Variants in CCDC186 observed in about 807,000 individuals in gnomAD.
The protein encoded by CCDC186 is coiled-coil domain-containing protein 186.
Under a neutral mutation model 113.7 loss-of-function variants are expected in CCDC186, and 49 were observed. The observed-to-expected ratio is 0.43, with a 90% CI of 0.34 to 0.55. The LOEUF (loss-of-function observed/expected upper bound fraction) is 0.55, where lower values mean the gene tolerates loss of function less well. Among genes scored for constraint, CCDC186 ranks in the 20% least tolerant of loss-of-function variants. The probability of loss-of-function intolerance (pLI) is 0.02; values close to 1 mark genes in which losing one functional copy is unlikely to be tolerated. For synonymous variants in CCDC186, 355 were observed against 345.8 expected, an observed-to-expected ratio of 1.03 and a Z score of -0.30; for missense variants, 890 against 1,011.1, an observed-to-expected ratio of 0.88 and a Z score of 1.62.
At chr10:114,159,796 A>C (rs2032116759) in intron 2 of CCDC186, among the ~76,000 whole-genome samples, 1 of 151,984 alleles carries the variant, frequency 6.6e-6, no homozygotes, top group African/African-American at 2.4e-5. Flanking sequence ...CTCTAAAACA[A>C]AAAAACCACA....
chr10:114,164,874 G>GGAGTGAATTTTGTTAA (rs1349471545), intron 1 of CCDC186, among the ~76,000 whole-genome samples: 5 of 152,204 alleles, frequency 3.3e-5, no homozygotes, highest in African/African-American at 9.7e-5. Context: ...AGGCTAAGCA[G>GGAGTGAATTTTGTTAA]GAGTGAATTT....
intron 4 of CCDC186, 83 bp from the exon 5 acceptor site, chr10:114,145,844 A>T (rs1480622246): frequency 8.0e-7 from 1 of 1,242,654 alleles, no homozygotes. Flanking sequence ...TTTGTCTCTT[A>T]TATTACCAAT....
Position 114,135,000 on chromosome 10 carries a change from T to C in CCDC186, c.1568A>G (p.Lys523Arg), listed in dbSNP as rs1345704422. The C allele has an allele frequency of 2.5e-6, 4 of 1,612,050 alleles. No homozygotes were observed. Among genetic ancestry groups the C allele is most frequent in the Non-Finnish European group, 3.4e-6 (4 of 1,179,384 alleles). ...LRTEDELSKY[K>R]EIINRQKAEI... ...AGCTTTTTGGCGATTAATAATTTCC[T>C]TATATTTTGATAATTCATCTTCTGT... The change falls in exon 10 of 16, where the codon AAG becomes AGG. Residue 523 changes from lysine (K) to arginine (R), a missense_variant. Lys to Arg is a conservative substitution (Grantham distance 26). Coordinates refer to ENST00000369287, the MANE Select transcript of CCDC186 (RefSeq NM_018017.4).
chr10:114,163,421 C>A, intron 1 of CCDC186, 92 bp from the exon 2 acceptor site: 1 of 1,012,890 alleles, frequency 9.9e-7, no homozygotes, highest in Non-Finnish European at 1.4e-6. Flanking sequence ...TAACTAACAC[C>A]ACAAATTTTA....
At chr10:114,132,641 G>C (rs1038160041) in intron 10 of CCDC186, among the ~76,000 whole-genome samples, 2 of 152,174 alleles carry the variant, frequency 1.3e-5, no homozygotes, top group African/African-American at 4.8e-5. Flanking sequence ...GTGTGGATGT[G>C]TTCCAAAAAA....
At chr10:114,173,372 A>T (rs557562142) in intron 1 of CCDC186, 99 of 319,288 alleles carry the variant, frequency 3.1e-4, no homozygotes, top group African/African-American at 2.0e-3. Context: ...AGGGACACGT[A>T]GAAGGGTTTT....
rs116731523 is a variant in CCDC186 at position 114,123,832 on chromosome 10, A to T, written c.*1311T>A. ...TTCCTTTGGTTACAGATATATACTT[A>T]TTTTAGGTATGTGTGAGGTTTTTTG... On this transcript the variant is annotated 3_prime_UTR_variant, in exon 16 of 16. Coordinates refer to ENST00000369287, the MANE Select transcript of CCDC186 (RefSeq NM_018017.4). 3.8e-3 allele frequency: 584 copies of T among 152,222 alleles called. 3 individuals are homozygous for T. Among genetic ancestry groups the T allele is most frequent in the African/African-American group, 0.013 (545 of 41,516 alleles). The allele number at this position is 152,222 out of a possible 1,614,324, so 9.4% of individuals were successfully genotyped here. A position where few individuals can be genotyped will look rare whatever the true frequency, so the allele number is the denominator to read the frequency against.
At chr10:114,169,082 C>G (rs1038350162) in intron 1 of CCDC186, among the ~76,000 whole-genome samples, 4 of 152,072 alleles carry the variant, frequency 2.6e-5, no homozygotes, top group African/African-American at 9.7e-5. Context: ...ATGAATTCTA[C>G]AGTATTTAAT....
chr10:114,141,186 T>A (rs2031455955), intron 6 of CCDC186, among the ~76,000 whole-genome samples: 1 of 152,154 alleles, frequency 6.6e-6, no homozygotes, highest in South Asian at 2.1e-4. Flanking sequence ...TGAGACACCG[T>A]GCCTGGATCT....
intron 13 of CCDC186, 68 bp downstream of exon 13, chr10:114,129,823 C>A: frequency 1.4e-6 from 2 of 1,464,936 alleles, no homozygotes; most frequent in Non-Finnish European, 1.9e-6. Context: ...AGCCATCACA[C>A]CTGGCCAAAA....
At chr10:114,167,799 TA>T (rs60257583) in intron 1 of CCDC186, among the ~76,000 whole-genome samples, 2,879 of 71,252 alleles carry the variant, frequency 0.04, 83 homozygotes, top group African/African-American at 0.12. Context: ...CTAATCTCCG[TA>T]AAAAAAAAAA....
chr10:114,124,439 T>C lies in CCDC186; in HGVS notation c.*704A>G, dbSNP rs993942239. 6.6e-6 allele frequency: 1 copy of C among 152,212 alleles called. No homozygotes were observed. Among genetic ancestry groups the C allele is most frequent in the Middle Eastern group, 3.2e-3 (1 of 316 alleles). 9.4% of individuals were successfully genotyped at this position (152,212 alleles called of 1,614,324 possible). On this transcript the variant is annotated 3_prime_UTR_variant, in exon 16 of 16. Coordinates refer to ENST00000369287, the MANE Select transcript of CCDC186 (RefSeq NM_018017.4). ...TAAACACAGGAATTTTCTAAATTAA[T>C]ATGTAATTTAAAATCATATTTTAAG...
At chr10:114,139,533 A>G (rs2031397596) in intron 6 of CCDC186, among the ~76,000 whole-genome samples, 1 of 151,374 alleles carries the variant, frequency 6.6e-6, no homozygotes, top group South Asian at 2.1e-4. Context: ...ACTGCACTCC[A>G]GCCTAGGCAA....
intron 13 of CCDC186, 49 bp downstream of exon 13, chr10:114,129,842 T>G (rs2031031054): frequency 6.4e-7 from 1 of 1,566,490 alleles, no homozygotes; most frequent in Admixed American, 1.7e-5. Flanking sequence ...AAATGCTATT[T>G]ATTTTTATAT....
At chr10:114,133,692 A>T (rs757290119) in intron 10 of CCDC186, among the ~76,000 whole-genome samples, 1 of 152,212 alleles carries the variant, frequency 6.6e-6, no homozygotes, top group African/African-American at 2.4e-5. Flanking sequence ...TTAAAAGATG[A>T]TAAGAATTCA....
chr10:114,153,612 C>G (rs1344672597), intron 3 of CCDC186, among the ~76,000 whole-genome samples: 2 of 151,458 alleles, frequency 1.3e-5, no homozygotes, highest in Non-Finnish European at 2.9e-5. Context: ...ACTGTGAAAC[C>G]CCGTCTCTAC....
Position 114,134,955 on chromosome 10 carries a change from T to C in CCDC186, c.1613A>G (p.Asp538Gly), listed in dbSNP as rs763037043. ...RQKAEIQNLLDKVKTADQLQE... is the reference protein window; with the variant it reads ...RQKAEIQNLLGKVKTADQLQE... ...TAGCTGATCTGCAGTTTTCACCTTG[T>C]CCAATAAATTCTGAATTTCAGCTTT... is the stretch of plus-strand genomic sequence containing the variant. The change falls in exon 10 of 16, where the codon GAC (aspartate) becomes GGC (glycine). Residue 538 changes from aspartate (D) to glycine (G), a missense_variant. By Grantham distance (94) the Asp-to-Gly change is moderately conservative. Coordinates refer to ENST00000369287, the MANE Select transcript of CCDC186 (RefSeq NM_018017.4). 6.2e-7 allele frequency: 1 copy of C among 1,612,694 alleles called. No individual in the cohort carries two copies. Among genetic ancestry groups the C allele is most frequent in the Admixed American group, 1.7e-5 (1 of 59,846 alleles).
At chr10:114,139,466 G>C (rs2031391160) in intron 6 of CCDC186, among the ~76,000 whole-genome samples, 1 of 151,608 alleles carries the variant, frequency 6.6e-6, no homozygotes, top group African/African-American at 2.4e-5. Context: ...AGGAGGCTGA[G>C]GCAGAAGAAT....
In CCDC186 at chr10:114,121,280, G is replaced by A. The variant is rs2030714413; in HGVS notation, c.*3863C>T. 1 of 152,002 alleles carries A rather than the reference G, an allele frequency of 6.6e-6. No homozygotes were observed. The highest frequency in any genetic ancestry group is 1.5e-5 in the Non-Finnish European group (1 of 67,974). The allele number at this position is 152,002 out of a possible 1,614,324, so 9.4% of individuals were successfully genotyped here. Reference sequence around the variant, plus strand: ...TCAAAAAAAATTGCTTTTAAAAAAAGGTTATTGAAAAATAGGCTACATAAA... The same window carrying A: ...TCAAAAAAAATTGCTTTTAAAAAAAAGTTATTGAAAAATAGGCTACATAAA... On this transcript the variant is annotated 3_prime_UTR_variant, in exon 16 of 16. Coordinates refer to ENST00000369287, the MANE Select transcript of CCDC186 (RefSeq NM_018017.4).
Sources: gnomAD v4.1 joint callset for allele counts (sites outside exome capture counted in the v4.1 genomes callset) on GRCh38, gnomAD v4.1.1 for gene constraint, MANE v1.5 for transcripts, NCBI Gene and HGNC (gene_info 2026-07-23, HGNC 2026-07-21) for gene names.